Variants in ADGRG2 observed in about 807,000 individuals in gnomAD.
ADGRG2 encodes G protein-coupled receptor 64.
Under a neutral mutation model 74.1 loss-of-function variants are expected in ADGRG2, and 26 were observed. That is an observed-to-expected ratio of 0.35 (90% CI 0.26 to 0.49). ADGRG2 has a LOEUF of 0.49. ADGRG2 is among the 20% of genes least tolerant of loss of function. The pLI, the probability that ADGRG2 is intolerant of heterozygous loss-of-function variation, is 0.99. For synonymous variants in ADGRG2, 296 were observed against 295.2 expected, an observed-to-expected ratio of 1.00 and a Z score of -0.03; for missense variants, 619 against 763.1, an observed-to-expected ratio of 0.81 and a Z score of 2.22.
intron 3 of ADGRG2, among the ~76,000 whole-genome samples, chrX:19,051,324 T>A (rs1161148844): frequency 9.0e-6 from 1 of 111,066 alleles, no homozygotes; most frequent in Admixed American, 9.6e-5. Flanking sequence ...TCAGCCCGCC[T>A]CGGCCTTCCA....
At chrX:19,044,910 C>T (rs1205044889) in intron 3 of ADGRG2, among the ~76,000 whole-genome samples, 1 of 111,998 alleles carries the variant, frequency 8.9e-6, no homozygotes, top group Non-Finnish European at 1.9e-5. Flanking sequence ...ATTTAATCAG[C>T]CAACAACTTT....
intron 3 of ADGRG2, among the ~76,000 whole-genome samples, chrX:19,041,046 G>A (rs1251874002): frequency 9.0e-6 from 1 of 110,591 alleles, no homozygotes; most frequent in Non-Finnish European, 1.9e-5. Context: ...ATATATGTAT[G>A]TATAAGGATT....
intron 15 of ADGRG2, among the ~76,000 whole-genome samples, chrX:19,015,218 C>T (rs1446795818): frequency 9.0e-6 from 1 of 111,542 alleles, no homozygotes; most frequent in Non-Finnish European, 1.9e-5. Flanking sequence ...CTTAGAACAC[C>T]AACAAGAATG....
intron 2 of ADGRG2, among the ~76,000 whole-genome samples, chrX:19,072,085 C>T (rs909393409): frequency 9.0e-6 from 1 of 111,393 alleles, no homozygotes; most frequent in African/African-American, 3.3e-5. Context: ...CCCTGGCCCC[C>T]GGGTCACATG....
In ADGRG2 at chrX:18,989,603, T is replaced by G. The variant is rs2059891115; in HGVS notation, c.*1261A>C. ...AAGCAAGATAGACCCTGTATATAAC[T>G]AGGAGCAATCAAGGCTCGATACATG... is the stretch of plus-strand genomic sequence containing the variant. On this transcript the variant is annotated 3_prime_UTR_variant, in exon 29 of 29. Transcript: ENST00000379869. The G allele has an allele frequency of 8.9e-6, 1 of 111,770 alleles. No individual in the cohort carries two copies. Among genetic ancestry groups the G allele is most frequent in the African/African-American group, 3.3e-5 (1 of 30,686 alleles). 9.2% of individuals were successfully genotyped at this position (111,770 alleles called of 1,213,427 possible). A position where few individuals can be genotyped will look rare whatever the true frequency, so the allele number is the denominator to read the frequency against.
At chrX:19,094,129 A>C (rs2062057571) in intron 1 of ADGRG2, among the ~76,000 whole-genome samples, 1 of 111,533 alleles carries the variant, frequency 9.0e-6, no homozygotes, top group Non-Finnish European at 1.9e-5. Flanking sequence ...GTGTGGATAG[A>C]TGGATATAGA....
In ADGRG2 at chrX:19,008,137, G is replaced by A. The variant is rs770880214; in HGVS notation, c.1423-14C>T. On this transcript the variant is annotated splice_polypyrimidine_tract_variant and intron_variant, in intron 18 of 28. Transcript: ENST00000379869. ...TTCCAGAGAAACCTGAAAATCAAGT[G>A]GAAGATAAGAATAAATGTCTGGAGC... 1.9e-5 allele frequency: 22 copies of A among 1,150,409 alleles called. No homozygotes were observed. The African/African-American group carries it at 3.6e-4, about 19-fold the overall frequency. The allele number at this position is 1,150,409 out of a possible 1,213,427, so 94.8% of individuals were successfully genotyped here. A position where few individuals can be genotyped will look rare whatever the true frequency, so the allele number is the denominator to read the frequency against.
intron 13 of ADGRG2, chrX:19,021,401 G>A (rs1365270134): frequency 1.5e-5 from 7 of 462,202 alleles, no homozygotes; most frequent in Non-Finnish European, 2.4e-5. Context: ...GACATTTATG[G>A]AGGTTCACAT....
intron 3 of ADGRG2, among the ~76,000 whole-genome samples, chrX:19,066,695 T>C (rs770685506): frequency 1.8e-5 from 2 of 109,609 alleles, no homozygotes; most frequent in Non-Finnish European, 3.8e-5. Context: ...AATTCCTGGG[T>C]TCAAATGATC....
chrX:19,117,688 G>A (rs920334270), intron 1 of ADGRG2, among the ~76,000 whole-genome samples: 6 of 110,500 alleles, frequency 5.4e-5, no homozygotes, highest in Non-Finnish European at 9.4e-5. Flanking sequence ...GTGGTGGTGC[G>A]CCGCCATAGT....
chrX:19,093,349 T>A (rs769744774), intron 1 of ADGRG2, among the ~76,000 whole-genome samples: 28 of 112,094 alleles, frequency 2.5e-4, no homozygotes, highest in Non-Finnish European at 4.7e-4. Flanking sequence ...TTGTGGCCCT[T>A]GACTGAGCCC....
intron 1 of ADGRG2, among the ~76,000 whole-genome samples, chrX:19,106,780 G>A (rs1479783521): frequency 4.6e-5 from 5 of 109,574 alleles, no homozygotes; most frequent in Non-Finnish European, 7.6e-5. Context: ...TTAGCTGGGC[G>A]GTGGTGGCGG....
chrX:19,039,434 A>T lies in ADGRG2; in HGVS notation c.154+755T>A, dbSNP rs929173797. 2.7e-5 allele frequency among the ~76,000 whole-genome samples: 3 copies of T among 112,552 alleles called. No individual in the cohort carries two copies. In the Admixed American group the frequency reaches 2.8e-4, roughly 11 times the overall value. ...AATAACAGTAGAAGCTCATTTGCAC[A>T]CAACTACAGAAAGAATGTGAGTTGA... is the stretch of plus-strand genomic sequence containing the variant. On this transcript the variant is annotated intron_variant, in intron 4 of 28. Coordinates refer to ENST00000379869, the MANE Select transcript of ADGRG2 (RefSeq NM_001079858.3).
At chrX:19,021,951 T>C (rs990373773) in intron 13 of ADGRG2, among the ~76,000 whole-genome samples, 20 of 107,124 alleles carry the variant, frequency 1.9e-4, no homozygotes, top group Non-Finnish European at 3.1e-4. Flanking sequence ...CCCAGCCACA[T>C]CAAGACCTTT....
chrX:19,113,893 AC>A (rs745810596), intron 1 of ADGRG2, among the ~76,000 whole-genome samples: 54 of 109,823 alleles, frequency 4.9e-4, no homozygotes, highest in Non-Finnish European at 9.5e-4. Flanking sequence ...GCATGGCGCA[AC>A]CCCATCTCTA....
intron 1 of ADGRG2, among the ~76,000 whole-genome samples, chrX:19,087,103 T>C (rs1412673700): frequency 9.0e-6 from 1 of 111,476 alleles, no homozygotes; most frequent in Non-Finnish European, 1.9e-5. Flanking sequence ...CAAACAAGAG[T>C]GGTTCTAGAA....
intron 11 of ADGRG2, 58 bp downstream of exon 11, chrX:19,027,161 A>G: frequency 1.2e-6 from 1 of 810,497 alleles, no homozygotes; most frequent in East Asian, 3.1e-5. Context: ...ACATGGCTCA[A>G]AAAGTATCCT....
At chrX:19,059,488 TG>T (rs2061451973) in intron 3 of ADGRG2, among the ~76,000 whole-genome samples, 1 of 111,324 alleles carries the variant, frequency 9.0e-6, no homozygotes, top group Non-Finnish European at 1.9e-5. Flanking sequence ...CACCGTGAGA[TG>T]ATGTATGCGA....
chrX:19,064,728 T>C lies in ADGRG2; in HGVS notation c.118+3989A>G, dbSNP rs146200577. 3.4e-4 allele frequency among the ~76,000 whole-genome samples: 38 copies of C among 112,209 alleles called. No individual in the cohort carries two copies. The East Asian group carries it at 0.01, about 31-fold the overall frequency. On this transcript the variant is annotated intron_variant, in intron 3 of 28. Coordinates refer to ENST00000379869, the MANE Select transcript of ADGRG2 (RefSeq NM_001079858.3). Reference sequence around the variant, plus strand: ...AGGTTAAGAATGTGAAAAGGCACCATAGTATAGAGGTCCAACATACAAGCT... The same window carrying C: ...AGGTTAAGAATGTGAAAAGGCACCACAGTATAGAGGTCCAACATACAAGCT...
Sources: allele counts gnomAD v4.1 joint callset (sites outside exome capture counted in the v4.1 genomes callset), GRCh38; gene constraint gnomAD v4.1.1; transcripts MANE v1.5; gene names NCBI Gene and HGNC (gene_info 2026-07-23, HGNC 2026-07-21).